The following SAMD5 variants were observed in gnomAD, a reference collection of about 807,000 sequenced individuals.
The protein encoded by SAMD5 is sterile alpha motif domain-containing protein 5.
In SAMD5, 13 loss-of-function variants were observed where a neutral mutation model predicts 11.3. The ratio of observed to expected loss-of-function variants is 1.15; its 90% CI spans 0.75 to 1.83. The LOEUF (loss-of-function observed/expected upper bound fraction) is 1.83, where lower values mean the gene tolerates loss of function less well. Ranked by LOEUF, SAMD5 falls within the 40% of genes most tolerant of loss-of-function variation. SAMD5 has a pLI of 0.00. For missense variants in SAMD5, 255 were observed against 239.1 expected (o/e 1.07, Z -0.44); for synonymous variants, 129 against 111.3 (o/e 1.16, Z -1.00).
chr6:147,798,210 T>A, the SAMD5 span, among the ~76,000 whole-genome samples: 3 of 149,366 alleles, frequency 2.0e-5, no homozygotes, highest in East Asian at 3.9e-4. Context: ...CATTTAGTGT[T>A]ATAAATTTCC....
chr6:147,508,823 T>C lies in SAMD5; in HGVS notation c.-106T>C. 1 of 1,466,674 alleles carries C rather than the reference T, an allele frequency of 6.8e-7. No homozygotes were observed. The highest frequency in any genetic ancestry group is 9.0e-7 in the Non-Finnish European group (1 of 1,112,290). 90.9% of individuals were successfully genotyped at this position (1,466,674 alleles called of 1,614,324 possible). The stretch of plus-strand genomic sequence containing the variant: ...CTTTAAAAGGAAAACTTTACTGCGA[T>C]ACCCTTTTCCCCTTGGAGGAGAGGA... On this transcript the variant is annotated 5_prime_UTR_variant, in exon 1 of 2. Coordinates refer to ENST00000367474, the MANE Select transcript of SAMD5 (RefSeq NM_001030060.3).
intron 1 of SAMD5, among the ~76,000 whole-genome samples, chr6:147,611,328 T>C (rs1238827627): frequency 1.3e-5 from 2 of 152,036 alleles, no homozygotes. Flanking sequence ...TCCCAGGACT[T>C]TGGGAGACTG....
chr6:147,821,994 CA>C, the SAMD5 span, among the ~76,000 whole-genome samples: 6 of 152,202 alleles, frequency 3.9e-5, no homozygotes, highest in African/African-American at 1.4e-4. Context: ...AAAATTTGGG[CA>C]TCTTTACTGT....
intron 1 of SAMD5, among the ~76,000 whole-genome samples, chr6:147,630,957 A>G (rs1790141177): frequency 6.6e-6 from 1 of 152,146 alleles, no homozygotes; most frequent in African/African-American, 2.4e-5. Flanking sequence ...TTATTCACCC[A>G]TGTTTCAGAG....
chr6:147,820,451 C>T, the SAMD5 span, among the ~76,000 whole-genome samples: 281 of 152,244 alleles, frequency 1.8e-3, 1 homozygote, highest in African/African-American at 6.2e-3. Context: ...TTTCTCACCT[C>T]GGTTCGATTT....
At chr6:147,874,317 G>A in the SAMD5 span, among the ~76,000 whole-genome samples, 3,888 of 152,124 alleles carry the variant, frequency 0.026, 55 homozygotes, top group African/African-American at 0.034. Context: ...TAGCTCTCTC[G>A]GGTAAAGGAA....
At chr6:147,804,459 C>T in the SAMD5 span, among the ~76,000 whole-genome samples, 43 of 152,256 alleles carry the variant, frequency 2.8e-4, 1 homozygote, top group African/African-American at 1.0e-3. Context: ...ACCTCCAGAA[C>T]AAAGTCCTCC....
chr6:147,639,835 A>G (rs1790283481), intron 1 of SAMD5, among the ~76,000 whole-genome samples: 1 of 125,570 alleles, frequency 8.0e-6, no homozygotes. Context: ...AGTGTAGATC[A>G]TTTTTAATAA....
chr6:147,768,388 C>CT, the SAMD5 span, among the ~76,000 whole-genome samples: 891 of 152,164 alleles, frequency 5.9e-3, 4 homozygotes, highest in Middle Eastern at 0.01. Flanking sequence ...ATCCCAGCTA[C>CT]TTGGGAGGCT....
intron 1 of SAMD5, among the ~76,000 whole-genome samples, chr6:147,533,510 T>A (rs1451655899): frequency 6.7e-6 from 1 of 149,192 alleles, no homozygotes; most frequent in Non-Finnish European, 1.5e-5. Flanking sequence ...AAGAAGCTTC[T>A]AGTCTGACAT....
chr6:147,881,842 A>G, the SAMD5 span, among the ~76,000 whole-genome samples: 1 of 152,160 alleles, frequency 6.6e-6, no homozygotes, highest in Non-Finnish European at 1.5e-5. Flanking sequence ...TGAATTTAAC[A>G]TGATGCCCTT....
At chr6:147,564,278 G>C in intron 1 of SAMD5, 116 bp from the exon 2 acceptor site, 1 of 670,296 alleles carries the variant, frequency 1.5e-6, no homozygotes. Context: ...AAAAGTCCAT[G>C]TGGTAAGCAG....
intron 1 of SAMD5, among the ~76,000 whole-genome samples, chr6:147,664,405 C>G (rs1295199344): frequency 1.3e-5 from 2 of 152,094 alleles, no homozygotes; most frequent in Admixed American, 1.3e-4. Context: ...CAAACTTGTC[C>G]TGATACTTTT....
intron 1 of SAMD5, among the ~76,000 whole-genome samples, chr6:147,563,239 T>G (rs1788983067): frequency 6.6e-6 from 1 of 152,208 alleles, no homozygotes; most frequent in South Asian, 2.1e-4. Flanking sequence ...GGTGGCTGTT[T>G]GAGCAGGGGT....
intron 1 of SAMD5, among the ~76,000 whole-genome samples, chr6:147,614,923 A>G (rs1396474561): frequency 6.6e-6 from 1 of 152,022 alleles, no homozygotes; most frequent in Non-Finnish European, 1.5e-5. Flanking sequence ...TCTATACTGA[A>G]CATCTACAAC....
the SAMD5 span, among the ~76,000 whole-genome samples, chr6:147,823,274 C>T: frequency 4.4e-3 from 674 of 152,166 alleles, 14 homozygotes; most frequent in South Asian, 0.039. Context: ...AAGTATTTGC[C>T]TGTAGTAAGC....
rs553584172 is a variant in SAMD5 at position 147,533,253 on chromosome 6, C to T, written c.459+23866C>T. 2.0e-5 allele frequency among the ~76,000 whole-genome samples: 3 copies of T among 151,804 alleles called. 1 individual carries two copies. The highest frequency in any genetic ancestry group is 4.2e-4 in the South Asian group (2 of 4,796). ...AAAGAATGCAAAATTAGGTAAAGGG[C>T]CTGAGGCCTCAACTTCATGGTAGAC... On this transcript the variant is annotated intron_variant, in intron 1 of 1. Coordinates refer to ENST00000367474, the MANE Select transcript of SAMD5 (RefSeq NM_001030060.3).
the SAMD5 span, among the ~76,000 whole-genome samples, chr6:147,846,868 C>G: frequency 6.6e-6 from 1 of 151,950 alleles, no homozygotes; most frequent in African/African-American, 2.4e-5. Context: ...GTCAAAAAAC[C>G]CAAACATGAT....
At chr6:147,877,897 A>C in the SAMD5 span, among the ~76,000 whole-genome samples, 3 of 98,350 alleles carry the variant, frequency 3.1e-5, no homozygotes, top group African/African-American at 1.3e-4. Context: ...ATAGATAGCT[A>C]GATAGATAGA....
Sources: gnomAD v4.1 joint callset for allele counts (sites outside exome capture counted in the v4.1 genomes callset) on GRCh38, gnomAD v4.1.1 for gene constraint, MANE v1.5 for transcripts, NCBI Gene and HGNC (gene_info 2026-07-23, HGNC 2026-07-21) for gene names.